The following GRIP1 variants were observed in gnomAD, a reference collection of about 807,000 sequenced individuals.
GRIP1 encodes the protein glutamate receptor interacting protein 1, also known as glutamate receptor-interacting protein 1.
GRIP1 carries 45 observed loss-of-function variants against 129.9 expected under a neutral mutation model. The observed-to-expected ratio is 0.35, with a 90% CI of 0.27 to 0.44. The LOEUF (loss-of-function observed/expected upper bound fraction) is 0.44. Ranked by LOEUF, GRIP1 falls within the 20% of genes least tolerant of loss-of-function variation. GRIP1 has a pLI of 1.00. For missense variants in GRIP1, 1,196 were observed against 1,396.8 expected, an observed-to-expected ratio of 0.86 and a Z score of 2.29; for synonymous variants, 530 against 520.8, an observed-to-expected ratio of 1.02 and a Z score of -0.24.
At chr12:66,647,673 CA>C (rs2032480131) in intron 1 of GRIP1, among the ~76,000 whole-genome samples, 1 of 152,120 alleles carries the variant, frequency 6.6e-6, no homozygotes. Flanking sequence ...ATGGAACAAA[CA>C]AATCCAACAT....
intron 7 of GRIP1, among the ~76,000 whole-genome samples, chr12:66,495,533 T>C (rs983010841): frequency 9.2e-5 from 14 of 152,188 alleles, no homozygotes; most frequent in African/African-American, 3.4e-4. Flanking sequence ...GTGGAGCATG[T>C]AGACTGTACA....
intron 1 of GRIP1, among the ~76,000 whole-genome samples, chr12:66,732,147 C>T (rs2036457625): frequency 6.6e-6 from 1 of 152,026 alleles, no homozygotes; most frequent in African/African-American, 2.4e-5. Context: ...CTCTTGCCTC[C>T]CCTTCCACCT....
chr12:66,647,406 G>C (rs2032460737), intron 1 of GRIP1: 2 of 152,154 alleles, frequency 1.3e-5, no homozygotes, highest in African/African-American at 4.8e-5. Flanking sequence ...TTTTGCATCT[G>C]TGGAATATTT....
chr12:66,768,077 T>A (rs2037702623), intron 1 of GRIP1, among the ~76,000 whole-genome samples: 1 of 151,976 alleles, frequency 6.6e-6, no homozygotes, highest in Non-Finnish European at 1.5e-5. Context: ...AATGCTAGAG[T>A]CACAGAACTA....
chr12:66,938,441 A>T (rs563123615), intron 1 of GRIP1, among the ~76,000 whole-genome samples: 50 of 152,360 alleles, frequency 3.3e-4, no homozygotes, highest in African/African-American at 1.1e-3. Context: ...AATTAAAATT[A>T]ATTTCACTGT....
At chr12:66,593,742 G>A (rs932057913) in intron 2 of GRIP1, among the ~76,000 whole-genome samples, 2 of 152,096 alleles carry the variant, frequency 1.3e-5, no homozygotes, top group African/African-American at 2.4e-5. Context: ...GGAGCTTTAG[G>A]GGAGATATAG....
chr12:66,894,934 C>A (rs1184602478), intron 1 of GRIP1, among the ~76,000 whole-genome samples: 1 of 152,198 alleles, frequency 6.6e-6, no homozygotes, highest in Non-Finnish European at 1.5e-5. Flanking sequence ...TTGCTGCCAT[C>A]CTCCGGTCAG....
chr12:66,859,276 CAAAAAAACAAAAAAACAAAAAAACAAAA>C (rs1404817805), intron 1 of GRIP1, among the ~76,000 whole-genome samples: 6 of 10,884 alleles, frequency 5.5e-4, no homozygotes, highest in African/African-American at 8.7e-4. Context: ...AACAAAAAAA[CAAAAAAACAAAAAAACAAAAAAACAAAA>C]AAAAACCAGT....
At chr12:66,453,714 T>C (rs930916414) in intron 11 of GRIP1, among the ~76,000 whole-genome samples, 3 of 152,238 alleles carry the variant, frequency 2.0e-5, no homozygotes, top group Admixed American at 1.3e-4. Flanking sequence ...AGTCAAGGCA[T>C]ACCTCATGCA....
chr12:66,413,010 G>T (rs6581683), intron 15 of GRIP1, among the ~76,000 whole-genome samples: 6 of 151,950 alleles, frequency 3.9e-5, no homozygotes, highest in African/African-American at 7.3e-5. Flanking sequence ...AGTGACAGTG[G>T]GATATTGTAA....
intron 1 of GRIP1, among the ~76,000 whole-genome samples, chr12:66,627,621 A>G (rs887919840): frequency 6.6e-6 from 1 of 152,152 alleles, no homozygotes; most frequent in Admixed American, 6.6e-5. Context: ...TCCCCAAGTC[A>G]GCCCCATGCC....
chr12:66,959,030 T>A (rs2041884960), intron 1 of GRIP1, among the ~76,000 whole-genome samples: 2 of 152,252 alleles, frequency 1.3e-5, no homozygotes, highest in Admixed American at 6.5e-5. Flanking sequence ...ATGAACAACG[T>A]CTTAAATAGG....
At chr12:66,759,001 G>A (rs760342085) in intron 1 of GRIP1, among the ~76,000 whole-genome samples, 6 of 152,152 alleles carry the variant, frequency 3.9e-5, no homozygotes, top group Admixed American at 6.5e-5. Flanking sequence ...TCTGGAGGAC[G>A]GTGTCCCTCT....
chr12:66,966,245 A>G lies in GRIP1; in HGVS notation c.58+102805T>C, dbSNP rs1311262138. On this transcript the variant is annotated intron_variant, in intron 1 of 1. Transcript: ENST00000643019. ...AACTGGAAAAAATGGTTCGGCTAAT[A>G]ATTCTACAAATGAACACATGAGTAG... Among the ~76,000 whole-genome samples the G allele has an allele frequency of 3.9e-5, 6 of 152,188 alleles. No homozygotes were observed. The East Asian group carries it at 1.2e-3, about 29-fold the overall frequency.
At chr12:67,038,816 C>T (rs1483013079) in intron 1 of GRIP1, among the ~76,000 whole-genome samples, 2 of 152,130 alleles carry the variant, frequency 1.3e-5, no homozygotes, top group Non-Finnish European at 2.9e-5. Context: ...CACAAATATA[C>T]ATTTTATCTT....
intron 9 of GRIP1, among the ~76,000 whole-genome samples, chr12:66,457,377 C>T (rs1351859178): frequency 6.6e-6 from 1 of 152,188 alleles, no homozygotes; most frequent in Non-Finnish European, 1.5e-5. Flanking sequence ...AGGCAATCCT[C>T]CCGCCTCAGC....
intron 2 of GRIP1, 25 bp downstream of exon 2, chr12:66,596,822 G>A (rs1339658151): frequency 2.0e-6 from 3 of 1,483,948 alleles, no homozygotes; most frequent in East Asian, 4.5e-5. Flanking sequence ...TAAAACAGCT[G>A]AAAAATCCAA....
intron 1 of GRIP1, among the ~76,000 whole-genome samples, chr12:66,629,060 A>AT (rs1292715292): frequency 6.6e-6 from 1 of 152,202 alleles, no homozygotes; most frequent in Non-Finnish European, 1.5e-5. Context: ...CATTCAGGTA[A>AT]TTTTTCCTTC....
rs762312579 is a variant in GRIP1, at chr12:66,541,924, C to T, written c.163G>A (p.Glu55Lys). Residue 55 changes from glutamate to lysine, a missense_variant, in exon 3 of 25, where the codon GAG becomes AAG. Glu to Lys is a moderately conservative substitution (Grantham distance 56). This residue lies in a region of GRIP1 where 217 missense variants were observed against 224.8 expected (regional missense o/e 0.97). Transcript: ENST00000359742. ...GTAGTGCCTTCCTTCTTCATCAGCT[C>T]GACGACTGTGGAGCCCTTGAATTCC... Reference protein sequence around the residue: ...PEEFKGSTVVELMKKEGTTLG... With the variant: ...PEEFKGSTVVKLMKKEGTTLG... 9.9e-6 allele frequency: 16 copies of T among 1,613,850 alleles called. No individual in the cohort carries two copies. The highest frequency in any genetic ancestry group is 2.2e-5 in the South Asian group (2 of 91,082).
Sources: gnomAD v4.1 joint callset for allele counts (sites outside exome capture counted in the v4.1 genomes callset) on GRCh38, gnomAD v4.1.1 for gene constraint, gnomAD v4.1.1 regional missense constraint, MANE v1.5 for transcripts, NCBI Gene and HGNC (gene_info 2026-07-23, HGNC 2026-07-21) for gene names.